Variants in ZNF101 observed in about 807,000 individuals in gnomAD.
ZNF101 encodes the protein zinc finger protein 101 (Y2).
A neutral mutation model predicts 42.6 loss-of-function variants in ZNF101; 34 were observed. The observed-to-expected ratio is 0.80, with a 90% CI of 0.61 to 1.06. ZNF101 has a LOEUF of 1.06. ZNF101 is among the 50% of genes least tolerant of loss of function. The pLI, the probability that ZNF101 is intolerant of heterozygous loss-of-function variation, is 0.00. For synonymous variants in ZNF101, 158 were observed against 183.9 expected (o/e 0.86, Z 1.14); for missense variants, 466 against 530.9 (o/e 0.88, Z 1.20).
At chr19:19,671,077 A>T (rs535801667) in intron 1 of ZNF101, among the ~76,000 whole-genome samples, 2 of 152,290 alleles carry the variant, frequency 1.3e-5, no homozygotes, top group South Asian at 4.1e-4. Flanking sequence ...ACTGCACTCC[A>T]GCCTGCGCGA....
At chr19:19,670,220 G>T (rs1246993914) in intron 1 of ZNF101, among the ~76,000 whole-genome samples, 1 of 152,172 alleles carries the variant, frequency 6.6e-6, no homozygotes, top group East Asian at 1.9e-4. Flanking sequence ...GGGATTCCCT[G>T]CTGGCCCTTG....
chr19:19,674,518 A>C (rs1179163960), intron 1 of ZNF101, among the ~76,000 whole-genome samples: 3 of 152,238 alleles, frequency 2.0e-5, no homozygotes, highest in Non-Finnish European at 2.9e-5. Flanking sequence ...TTTTGCGGAT[A>C]AATCTCTCTT....
intron 1 of ZNF101, among the ~76,000 whole-genome samples, chr19:19,670,890 G>A (rs2062164147): frequency 6.6e-6 from 1 of 152,220 alleles, no homozygotes; most frequent in African/African-American, 2.4e-5. Context: ...CAGATCACGA[G>A]GTCAGGAGAT....
chr19:19,679,160 T>G (rs2062220361), intron 3 of ZNF101, 21 bp from the exon 4 acceptor site: 1 of 1,604,974 alleles, frequency 6.2e-7, no homozygotes. Context: ...GCATTGATAA[T>G]GCGTTTGTCA....
chr19:19,668,403 G>A (rs2062145356), upstream of ZNF101, among the ~76,000 whole-genome samples: 1 of 152,078 alleles, frequency 6.6e-6, no homozygotes, highest in Non-Finnish European at 1.5e-5. Flanking sequence ...TGTTGTGACC[G>A]CATCCTGGAA....
chr19:19,668,927 A>G lies in ZNF101; in HGVS notation c.-37A>G, dbSNP rs780927291. On this transcript the variant is annotated 5_prime_UTR_variant, in exon 1 of 4. Transcript: ENST00000592502. ...GTGTGGGACCTGTTCTGGCTGCTCC[A>G]GCCCCAGGAAGGACCCAGGACACCC... is the stretch of plus-strand genomic sequence containing the variant. The G allele has an allele frequency of 1.9e-6, 3 of 1,577,792 alleles. No homozygotes were observed. Among genetic ancestry groups the G allele is most frequent in the South Asian group, 1.2e-5 (1 of 86,532 alleles).
intron 1 of ZNF101, among the ~76,000 whole-genome samples, chr19:19,672,948 C>CT (rs574507406): frequency 6.7e-5 from 10 of 149,554 alleles, no homozygotes; most frequent in South Asian, 2.1e-4. Context: ...AATGTAAAGT[C>CT]TTTTTTTTTT....
rs1410544640 is a variant in ZNF101 at position 19,682,240 on chromosome 19, GAC to G, written c.*1944_*1945del. On this transcript the variant is annotated 3_prime_UTR_variant, in exon 4 of 4. Transcript: ENST00000592502. ...GCCTGGCCTTTTTTTTTTTTCCCGA[GAC>G]ACAGTCTCACTCTGTTGCCCAGGCT... The G allele has an allele frequency of 1.3e-5, 2 of 148,402 alleles. No individual in the cohort carries two copies. Among genetic ancestry groups the G allele is most frequent in the Non-Finnish European group, 1.5e-5 (1 of 67,340 alleles). 9.2% of individuals were successfully genotyped at this position (148,402 alleles called of 1,614,324 possible). A position where few individuals can be genotyped will look rare whatever the true frequency, so the allele number is the denominator to read the frequency against.
chr19:19,676,526 C>G (rs531106261), intron 1 of ZNF101: 3 of 152,196 alleles, frequency 2.0e-5, no homozygotes, highest in African/African-American at 2.4e-5. Context: ...GTAAGCCATC[C>G]ACCTGCTATT....
rs1482985732 is a variant in ZNF101, at chr19:19,681,291, A to T, written c.*991A>T. On this transcript the variant is annotated 3_prime_UTR_variant, in exon 4 of 4. Coordinates refer to ENST00000592502, the MANE Select transcript of ZNF101 (RefSeq NM_033204.4). Reference sequence around the variant, plus strand: ...ATAAAAGGACTCATACTGGAGAAAAATTGTAGAAATGTACAGAATATGGGG... The same window carrying T: ...ATAAAAGGACTCATACTGGAGAAAATTTGTAGAAATGTACAGAATATGGGG... 6.6e-6 allele frequency: 1 copy of T among 152,226 alleles called. No individual in the cohort carries two copies. Among genetic ancestry groups the T allele is most frequent in the African/African-American group, 2.4e-5 (1 of 41,464 alleles). The allele number at this position is 152,226 out of a possible 1,614,324, so 9.4% of individuals were successfully genotyped here. A position where few individuals can be genotyped will look rare whatever the true frequency, so the allele number is the denominator to read the frequency against.
chr19:19,668,635 T>C (rs774636054), upstream of ZNF101, among the ~76,000 whole-genome samples: 1 of 152,088 alleles, frequency 6.6e-6, no homozygotes, highest in Non-Finnish European at 1.5e-5. Context: ...CGAGGGGCTG[T>C]GGGTAGCACC....
In ZNF101 at chr19:19,679,458, G is replaced by A. The variant is rs766365436; in HGVS notation, c.469G>A (p.Ala157Thr). 8.7e-6 allele frequency: 14 copies of A among 1,614,010 alleles called. No individual in the cohort carries two copies. The South Asian group carries it at 1.3e-4, about 15-fold the overall frequency. ...GKASISPSSG[A>T]RRTVTPTRKR... Reference sequence around the variant, plus strand: ...AGCCTCCATTTCCCCCAGTAGTGGTGCACGGCGCACAGTAACACCAACTCG... The same window carrying A: ...AGCCTCCATTTCCCCCAGTAGTGGTACACGGCGCACAGTAACACCAACTCG... Residue 157 changes from alanine to threonine, a missense_variant, in exon 4 of 4, where the codon GCA becomes ACA. Coordinates refer to ENST00000592502, the MANE Select transcript of ZNF101 (RefSeq NM_033204.4).
rs187233142 is a variant in ZNF101 at position 19,668,847 on chromosome 19, C to A, written c.-117C>A. ...TTTCCCGCCGGCCCCCCATTCGGGT[C>A]CGGGTTTTAGTTCCTCGGGGAGCCC... is the stretch of plus-strand genomic sequence containing the variant. On this transcript the variant is annotated 5_prime_UTR_variant, in exon 1 of 4. Transcript: ENST00000592502. The A allele has an allele frequency of 1.5e-6, 2 of 1,352,882 alleles. No individual in the cohort carries two copies. Among genetic ancestry groups the A allele is most frequent in the African/African-American group, 1.5e-5 (1 of 66,414 alleles). The allele number at this position is 1,352,882 out of a possible 1,614,324, so 83.8% of individuals were successfully genotyped here.
chr19:19,680,528 A>G lies in ZNF101; in HGVS notation c.*228A>G. 1 of 268,720 alleles carries G rather than the reference A, an allele frequency of 3.7e-6. No individual in the cohort carries two copies. 16.6% of individuals were successfully genotyped at this position (268,720 alleles called of 1,614,324 possible). On this transcript the variant is annotated 3_prime_UTR_variant, in exon 4 of 4. Coordinates refer to ENST00000592502, the MANE Select transcript of ZNF101 (RefSeq NM_033204.4). ...CAGCTACTCGGGAGGCCGAGGCAGG[A>G]GAATCGCTTGAACCTGGGAGGTGGA... is the stretch of plus-strand genomic sequence containing the variant.
At chr19:19,677,480 T>A (rs1428905097) in intron 1 of ZNF101, 1 of 182,778 alleles carries the variant, frequency 5.5e-6, no homozygotes, top group Non-Finnish European at 1.1e-5. Context: ...AGGTCGAACT[T>A]GGTAAACAGG....
rs1201576771 is a variant in ZNF101, at chr19:19,681,387, G to A, written c.*1087G>A. 2.6e-5 allele frequency: 4 copies of A among 152,164 alleles called. No homozygotes were observed. Among genetic ancestry groups the A allele is most frequent in the Admixed American group, 2.6e-4 (4 of 15,268 alleles). 9.4% of individuals were successfully genotyped at this position (152,164 alleles called of 1,614,324 possible). ...ACACTGGAGATGGATGGTATGAATC[G>A]AAGAATACACACTGGATGGAAACGT... On this transcript the variant is annotated 3_prime_UTR_variant, in exon 4 of 4. Coordinates refer to ENST00000592502, the MANE Select transcript of ZNF101 (RefSeq NM_033204.4).
chr19:19,669,592 C>G (rs911636441), intron 1 of ZNF101, among the ~76,000 whole-genome samples: 11 of 152,178 alleles, frequency 7.2e-5, no homozygotes, highest in African/African-American at 2.4e-4. Flanking sequence ...CTTCCGGGTT[C>G]AAGTGATTCT....
At chr19:19,677,758 A>G in intron 1 of ZNF101, 106 bp from the exon 2 acceptor site, 26 of 1,494,330 alleles carry the variant, frequency 1.7e-5, no homozygotes, top group Non-Finnish European at 2.3e-5. Flanking sequence ...TCAATCATGG[A>G]GTGAGTGTTT....
intron 1 of ZNF101, among the ~76,000 whole-genome samples, chr19:19,673,677 G>A (rs1457888238): frequency 6.9e-6 from 1 of 144,784 alleles, no homozygotes; most frequent in Non-Finnish European, 1.5e-5. Context: ...TAATTTCTAA[G>A]CGTTCAATTC....
Sources: gnomAD v4.1 joint callset for allele counts (sites outside exome capture counted in the v4.1 genomes callset) on GRCh38, gnomAD v4.1.1 for gene constraint, MANE v1.5 for transcripts, NCBI Gene and HGNC (gene_info 2026-07-23, HGNC 2026-07-21) for gene names.